NBEA: variants seen among roughly 807,000 people sequenced by gnomAD.
The protein encoded by NBEA is neurobeachin.
In NBEA, 44 loss-of-function variants were observed where a neutral mutation model predicts 343.4. That is an observed-to-expected ratio of 0.13 (90% CI 0.10 to 0.16). The LOEUF is 0.16. NBEA is among the 10% of genes least tolerant of loss of function. The pLI is 1.00. For synonymous variants in NBEA, 1,175 were observed against 1,238.7 expected, an observed-to-expected ratio of 0.95 and a Z score of 1.08; for missense variants, 2,555 against 3,631.3, an observed-to-expected ratio of 0.70 and a Z score of 7.62.
intron 1 of NBEA, among the ~76,000 whole-genome samples, chr13:35,001,621 T>G (rs1047391006): frequency 2.6e-5 from 4 of 151,972 alleles, no homozygotes; most frequent in Non-Finnish European, 5.9e-5. Flanking sequence ...ATAAAAAAAG[T>G]TGATCTCATG....
intron 38 of NBEA, among the ~76,000 whole-genome samples, chr13:35,425,694 G>A (rs973201182): frequency 6.6e-6 from 1 of 152,030 alleles, no homozygotes; most frequent in African/African-American, 2.4e-5. Flanking sequence ...TCAATTCCTG[G>A]GCATCCTTGT....
intron 36 of NBEA, among the ~76,000 whole-genome samples, chr13:35,329,490 G>A (rs1468636506): frequency 2.6e-5 from 4 of 151,858 alleles, no homozygotes. Context: ...ATCATTATAA[G>A]GAAATTCAAC....
At chr13:35,428,113 T>G (rs977115095) in intron 38 of NBEA, among the ~76,000 whole-genome samples, 2 of 152,172 alleles carry the variant, frequency 1.3e-5, no homozygotes, top group African/African-American at 2.4e-5. Flanking sequence ...CTGCTTTGGC[T>G]CGCACACGAT....
chr13:35,389,555 TA>T (rs2152898388), intron 38 of NBEA, among the ~76,000 whole-genome samples: 1 of 152,246 alleles, frequency 6.6e-6, no homozygotes, highest in Non-Finnish European at 1.5e-5. Context: ...AGTATTTTCT[TA>T]AAATTTTTTA....
At chr13:35,404,683 G>A (rs1169753835) in intron 38 of NBEA, among the ~76,000 whole-genome samples, 3 of 150,212 alleles carry the variant, frequency 2.0e-5, no homozygotes, top group Admixed American at 6.7e-5. Context: ...CAGCACACCA[G>A]CATGGCACAT....
chr13:35,572,713 TTTGTTGTTGTTGTTG>T (rs151081649), intron 45 of NBEA, among the ~76,000 whole-genome samples: 4 of 150,360 alleles, frequency 2.7e-5, no homozygotes, highest in Non-Finnish European at 4.4e-5. Flanking sequence ...GCAAGTTGGG[TTTGTTGTTGTTGTTG>T]TTGTTGTTGT....
chr13:35,162,117 TA>T, intron 23 of NBEA, 150 bp downstream of exon 23: 1 of 641,900 alleles, frequency 1.6e-6, no homozygotes, highest in Non-Finnish European at 2.6e-6. Flanking sequence ...TACCATGTAC[TA>T]AATTTATTAG....
chr13:35,051,301 G>T (rs1312291785), intron 6 of NBEA, among the ~76,000 whole-genome samples: 4 of 151,988 alleles, frequency 2.6e-5, no homozygotes, highest in African/African-American at 9.7e-5. Context: ...TACCCTTTGT[G>T]ATTAATGGTA....
Position 35,267,144 on chromosome 13 carries a change from C to G in NBEA, c.5777-23245C>G, listed in dbSNP as rs1594007654. On this transcript the variant is annotated intron_variant, in intron 34 of 58. Coordinates refer to ENST00000379939, the MANE Select transcript of NBEA (RefSeq NM_001385012.1). The stretch of plus-strand genomic sequence containing the variant: ...AAAGAAGAGGGGTTTGTCTTGCTGT[C>G]TCTTGGGTGGCAAAGACGGAATAAA... Among the ~76,000 whole-genome samples the G allele has an allele frequency of 2.0e-5, 3 of 151,794 alleles. No individual in the cohort carries two copies. The South Asian group carries it at 6.2e-4, about 32-fold the overall frequency.
chr13:35,473,415 GA>G (rs1230287021), intron 41 of NBEA, among the ~76,000 whole-genome samples: 2 of 152,078 alleles, frequency 1.3e-5, no homozygotes, highest in African/African-American at 2.4e-5. Flanking sequence ...CACAGATCCA[GA>G]ACTTTATTGT....
At chr13:34,987,466 T>G (rs2060592514) in intron 1 of NBEA, among the ~76,000 whole-genome samples, 1 of 150,820 alleles carries the variant, frequency 6.6e-6, no homozygotes, top group Admixed American at 6.6e-5. Context: ...CTGACAATTA[T>G]GTGTCTTGGG....
chr13:35,026,202 GA>G (rs1011669794), intron 1 of NBEA, among the ~76,000 whole-genome samples: 1 of 152,082 alleles, frequency 6.6e-6, no homozygotes, highest in African/African-American at 2.4e-5. Flanking sequence ...GCCCTGTGAA[GA>G]GATGCCTTCT....
At chr13:35,005,002 T>C (rs2061268874) in intron 1 of NBEA, among the ~76,000 whole-genome samples, 1 of 152,180 alleles carries the variant, frequency 6.6e-6, no homozygotes, top group Admixed American at 6.5e-5. Context: ...TTACCTTATT[T>C]ATTATATATT....
intron 1 of NBEA, among the ~76,000 whole-genome samples, chr13:34,985,850 T>C (rs2060525201): frequency 6.6e-6 from 1 of 151,010 alleles, no homozygotes; most frequent in Admixed American, 6.6e-5. Flanking sequence ...TATCTGATGG[T>C]AGTTTGTATT....
chr13:35,359,930 G>A (rs1307525880), intron 38 of NBEA, among the ~76,000 whole-genome samples: 1 of 151,738 alleles, frequency 6.6e-6, no homozygotes, highest in Non-Finnish European at 1.5e-5. Context: ...AAGATGTTGG[G>A]AGCACACCTA....
intron 17 of NBEA, among the ~76,000 whole-genome samples, chr13:35,128,344 T>C (rs2067238615): frequency 2.0e-5 from 3 of 151,804 alleles, no homozygotes; most frequent in Admixed American, 6.6e-5. Context: ...TTTATAATGA[T>C]AAAATAGAAA....
chr13:35,087,750 A>G (rs192278066), intron 10 of NBEA, among the ~76,000 whole-genome samples: 15 of 152,064 alleles, frequency 9.9e-5, no homozygotes, highest in African/African-American at 2.6e-4. Flanking sequence ...ACTTTAGACA[A>G]TTTCAGACAC....
chr13:35,240,377 T>G (rs2030018008), intron 34 of NBEA, among the ~76,000 whole-genome samples: 1 of 151,856 alleles, frequency 6.6e-6, no homozygotes, highest in Admixed American at 6.6e-5. Context: ...TTAATAGATC[T>G]AAGCTTCAAT....
intron 30 of NBEA, among the ~76,000 whole-genome samples, chr13:35,192,634 G>A (rs1042819565): frequency 2.0e-5 from 3 of 151,796 alleles, no homozygotes; most frequent in African/African-American, 7.3e-5. Context: ...ATTGTGTTTT[G>A]TAATCTAGAG....
Sources: allele counts gnomAD v4.1 joint callset (sites outside exome capture counted in the v4.1 genomes callset), GRCh38; gene constraint gnomAD v4.1.1; transcripts MANE v1.5; gene names NCBI Gene and HGNC (gene_info 2026-07-23, HGNC 2026-07-21).